The following KCNIP4 variants were observed in gnomAD, a reference collection of about 807,000 sequenced individuals.
KCNIP4 encodes Kv channel-interacting protein 4.
A neutral mutation model predicts 34.0 loss-of-function variants in KCNIP4; 12 were observed. The ratio of observed to expected loss-of-function variants is 0.35; its 90% CI spans 0.23 to 0.57. The LOEUF (loss-of-function observed/expected upper bound fraction) is 0.57. Ranked by LOEUF, KCNIP4 falls within the 20% of genes least tolerant of loss-of-function variation. KCNIP4 has a pLI of 0.83. For missense variants in KCNIP4, 238 were observed against 311.7 expected, an observed-to-expected ratio of 0.76 and a Z score of 1.78; for synonymous variants, 124 against 102.2, an observed-to-expected ratio of 1.21 and a Z score of -1.29.
intron 1 of KCNIP4, among the ~76,000 whole-genome samples, chr4:21,128,368 G>A (rs540333433): frequency 2.0e-5 from 3 of 152,316 alleles, no homozygotes; most frequent in African/African-American, 7.2e-5. Context: ...AGCATGCGAT[G>A]TTTCAGAACA....
intron 1 of KCNIP4, among the ~76,000 whole-genome samples, chr4:21,749,348 A>G (rs1577936477): frequency 6.6e-6 from 1 of 152,104 alleles, no homozygotes; most frequent in Non-Finnish European, 1.5e-5. Context: ...CATTTTGTCA[A>G]TGTTGGGTAA....
At chr4:21,169,503 A>T (rs1753856749) in intron 1 of KCNIP4, among the ~76,000 whole-genome samples, 1 of 152,160 alleles carries the variant, frequency 6.6e-6, no homozygotes, top group Admixed American at 6.5e-5. Flanking sequence ...TAGTGTTATC[A>T]GAAGTTGTGC....
At chr4:20,905,133 T>C (rs1727597605) in intron 1 of KCNIP4, among the ~76,000 whole-genome samples, 1 of 152,176 alleles carries the variant, frequency 6.6e-6, no homozygotes, top group Non-Finnish European at 1.5e-5. Context: ...CCAGGTGGCT[T>C]AAACAACAGA....
At chr4:21,939,442 T>G (rs1730070473) in intron 1 of KCNIP4, among the ~76,000 whole-genome samples, 1 of 152,140 alleles carries the variant, frequency 6.6e-6, no homozygotes, top group Non-Finnish European at 1.5e-5. Context: ...ATTCTATAAA[T>G]CCACAGTAGG....
At chr4:21,907,254 A>G (rs12498896) in intron 1 of KCNIP4, among the ~76,000 whole-genome samples, 148,028 of 152,150 alleles carry the variant, frequency 0.97, 72,133 homozygotes, top group East Asian at 1. Flanking sequence ...TGCAGGACTA[A>G]CTCCGTTACT....
intron 1 of KCNIP4, among the ~76,000 whole-genome samples, chr4:21,522,658 T>C (rs1184478756): frequency 6.6e-6 from 1 of 152,086 alleles, no homozygotes; most frequent in African/African-American, 2.4e-5. Context: ...GCTAAAATCA[T>C]GAGCTCTGGA....
intron 3 of KCNIP4, chr4:20,766,964 C>T (rs1014712236): frequency 6.6e-6 from 1 of 152,132 alleles, no homozygotes; most frequent in East Asian, 1.9e-4. Flanking sequence ...GAATTGACCT[C>T]AGAGAGCTGC....
chr4:21,625,445 TTGGTAAGGTCTGTAATTCTCTCAAG>T (rs1245067082), intron 1 of KCNIP4, among the ~76,000 whole-genome samples: 1 of 152,134 alleles, frequency 6.6e-6, no homozygotes, highest in African/African-American at 2.4e-5. Context: ...AAGCTGAAGC[TTGGTAAGGTCTGTAATTCTCTCAAG>T]TCCACATGGG....
chr4:21,642,496 T>C (rs1456028227), intron 1 of KCNIP4, among the ~76,000 whole-genome samples: 1 of 152,174 alleles, frequency 6.6e-6, no homozygotes, highest in Admixed American at 6.5e-5. Context: ...ATCCAAAATA[T>C]GGTACTATTT....
chr4:21,504,552 A>G (rs1733673492), intron 1 of KCNIP4, among the ~76,000 whole-genome samples: 1 of 151,974 alleles, frequency 6.6e-6, no homozygotes, highest in Non-Finnish European at 1.5e-5. Context: ...AAAGCAAGAA[A>G]AGAAAGAAAG....
At chr4:21,909,823 G>A (rs908683562) in intron 1 of KCNIP4, among the ~76,000 whole-genome samples, 5 of 152,050 alleles carry the variant, frequency 3.3e-5, no homozygotes, top group East Asian at 1.9e-4. Context: ...GAGAATGAGA[G>A]CCAAGCAAAA....
At chr4:20,966,051 T>C (rs1329244594) in intron 1 of KCNIP4, among the ~76,000 whole-genome samples, 1 of 152,208 alleles carries the variant, frequency 6.6e-6, no homozygotes, top group Non-Finnish European at 1.5e-5. Flanking sequence ...GACTTTTCAC[T>C]CAAGTAATGT....
chr4:20,921,140 T>G (rs1729358717), intron 1 of KCNIP4, among the ~76,000 whole-genome samples: 1 of 152,148 alleles, frequency 6.6e-6, no homozygotes, highest in Non-Finnish European at 1.5e-5. Context: ...GAAAATGTAC[T>G]GGTGATGGGA....
intron 1 of KCNIP4, among the ~76,000 whole-genome samples, chr4:21,785,308 T>C (rs923125500): frequency 3.3e-5 from 5 of 151,198 alleles, no homozygotes; most frequent in African/African-American, 1.2e-4. Context: ...AAAAAAAACT[T>C]GGCTGGCCAC....
At chr4:20,917,749 T>G (rs1293220883) in intron 1 of KCNIP4, among the ~76,000 whole-genome samples, 1 of 151,998 alleles carries the variant, frequency 6.6e-6, no homozygotes. Context: ...TCCCAGCACT[T>G]TGGGAGGCAG....
chr4:20,961,962 C>A (rs1457154843), intron 1 of KCNIP4, among the ~76,000 whole-genome samples: 1 of 152,138 alleles, frequency 6.6e-6, no homozygotes, highest in African/African-American at 2.4e-5. Context: ...GCCAAAGACA[C>A]CTTTTCTCCC....
chr4:21,903,343 A>G (rs6836396), intron 1 of KCNIP4, among the ~76,000 whole-genome samples: 2,770 of 152,284 alleles, frequency 0.018, 70 homozygotes, highest in African/African-American at 0.061. Flanking sequence ...AATAACTGAA[A>G]TTCAAGTCAA....
chr4:21,109,380 T>C (rs1399892053), intron 1 of KCNIP4, among the ~76,000 whole-genome samples: 1 of 152,250 alleles, frequency 6.6e-6, no homozygotes, highest in Non-Finnish European at 1.5e-5. Context: ...TCAGTGAGAC[T>C]CCTTGGGTGT....
chr4:21,173,270 A>G (rs973408227), intron 1 of KCNIP4, among the ~76,000 whole-genome samples: 3 of 150,314 alleles, frequency 2.0e-5, no homozygotes, highest in Admixed American at 6.6e-5. Context: ...GTTTGGGGGA[A>G]AAAAAACCAC....
Sources: gnomAD v4.1 joint callset for allele counts (sites outside exome capture counted in the v4.1 genomes callset) on GRCh38, gnomAD v4.1.1 for gene constraint, MANE v1.5 for transcripts, NCBI Gene and HGNC (gene_info 2026-07-23, HGNC 2026-07-21) for gene names.